The following ZFYVE28 variants were observed in gnomAD, a reference collection of about 807,000 sequenced individuals.
ZFYVE28 encodes the protein lateral signaling target protein 2 homolog.
In ZFYVE28, 40 loss-of-function variants were observed where a neutral mutation model predicts 82.1. The ratio of observed to expected loss-of-function variants is 0.49; its 90% confidence interval spans 0.38 to 0.63. The LOEUF (loss-of-function observed/expected upper bound fraction) is 0.63. Ranked by LOEUF, ZFYVE28 falls within the 30% of genes least tolerant of loss-of-function variation. ZFYVE28 has a pLI of 0.00. For synonymous variants in ZFYVE28, 612 were observed against 546.1 expected (o/e 1.12, Z -1.68); for missense variants, 1,321 against 1,242.1 (o/e 1.06, Z -0.96).
intron 1 of ZFYVE28, among the ~76,000 whole-genome samples, chr4:2,412,162 C>T (rs955398146): frequency 6.6e-6 from 1 of 152,186 alleles, no homozygotes; most frequent in Non-Finnish European, 1.5e-5. Flanking sequence ...ACCAAGTACC[C>T]GCCACCTACC....
In ZFYVE28 at chr4:2,372,908, C is replaced by T. The variant is rs2108906295; in HGVS notation, c.40-18835G>A. 6.6e-6 allele frequency among the ~76,000 whole-genome samples: 1 copy of T among 152,232 alleles called. No individual in the cohort carries two copies. The highest frequency in any genetic ancestry group is 6.5e-5 in the Admixed American group (1 of 15,294). ...CTAGCACCCCCAGCCTCTCTGCCAGCCAACCTTGGACGACTAGGGAGGGAA... is the reference window on the plus strand; with the variant it reads ...CTAGCACCCCCAGCCTCTCTGCCAGTCAACCTTGGACGACTAGGGAGGGAA... On this transcript the variant is annotated intron_variant, in intron 1 of 12. Transcript: ENST00000290974. The surrounding 1 kb of genome is among the most constrained non-coding windows in gnomAD (Gnocchi z 5.2).
chr4:2,363,924 T>C (rs1467904113), intron 1 of ZFYVE28, among the ~76,000 whole-genome samples: 1 of 152,140 alleles, frequency 6.6e-6, no homozygotes, highest in African/African-American at 2.4e-5. Context: ...CAATAAGCAA[T>C]GAGGCCTGCA....
chr4:2,312,755 G>C (rs1227087457), intron 7 of ZFYVE28, among the ~76,000 whole-genome samples: 2 of 132,964 alleles, frequency 1.5e-5, no homozygotes, highest in South Asian at 2.4e-4. Context: ...AAAAAAAGAA[G>C]TGTTTTGGGC....
intron 7 of ZFYVE28, among the ~76,000 whole-genome samples, chr4:2,311,922 G>A (rs917524790): frequency 7.9e-5 from 12 of 151,950 alleles, no homozygotes; most frequent in East Asian, 1.9e-4. Flanking sequence ...GACTATAGGC[G>A]TGTGCCATGA....
intron 8 of ZFYVE28, among the ~76,000 whole-genome samples, chr4:2,296,992 G>A (rs147762595): frequency 1.3e-5 from 2 of 152,328 alleles, no homozygotes; most frequent in East Asian, 1.9e-4. Context: ...GTGGGCTTCC[G>A]GGCCACCGAG....
chr4:2,319,931 C>G (rs1232977913), intron 7 of ZFYVE28, among the ~76,000 whole-genome samples: 4 of 152,156 alleles, frequency 2.6e-5, no homozygotes. Context: ...GTGAGGTTCA[C>G]TCCCCCAGCT....
chr4:2,308,627 C>CACAAAGAAAGAAAGAAAGAAAGAA, intron 7 of ZFYVE28, among the ~76,000 whole-genome samples: 1 of 79,582 alleles, frequency 1.3e-5, no homozygotes, highest in East Asian at 3.8e-4. Flanking sequence ...AGAAAGAAGA[C>CACAAAGAAAGAAAGAAAGAAAGAA]AGAAAGAAAG....
At chr4:2,326,482 C>T (rs1719862755) in intron 6 of ZFYVE28, among the ~76,000 whole-genome samples, 1 of 152,130 alleles carries the variant, frequency 6.6e-6, no homozygotes, top group Non-Finnish European at 1.5e-5. Flanking sequence ...TGTGGTATCT[C>T]CAGCTTTGTC....
intron 7 of ZFYVE28, among the ~76,000 whole-genome samples, chr4:2,308,491 C>CAAGGAAGG (rs1239915650): frequency 9.8e-6 from 1 of 101,560 alleles, no homozygotes; most frequent in African/African-American, 4.0e-5. Flanking sequence ...TCAATTTCTA[C>CAAGGAAGG]AAGGAAGGAA....
chr4:2,349,648 C>T (rs969370257), intron 2 of ZFYVE28, among the ~76,000 whole-genome samples: 5 of 152,080 alleles, frequency 3.3e-5, no homozygotes, highest in Non-Finnish European at 7.3e-5. Flanking sequence ...TACACACAGC[C>T]CTGCCCTCAT....
In ZFYVE28 at chr4:2,320,401, G is replaced by A. The variant is rs534850428; in HGVS notation, c.702-130C>T. The stretch of plus-strand genomic sequence containing the variant: ...GCAGCGCCACTGTCCCAGCACGGCC[G>A]CCGCCTCATGCTTTGCCTTGTGTGA... On this transcript the variant is annotated intron_variant, in intron 6 of 12. Transcript: ENST00000290974. The surrounding 1 kb of genome is among the most constrained non-coding windows in gnomAD (Gnocchi z 5.1). 7.4e-5 allele frequency: 49 copies of A among 665,556 alleles called. No individual in the cohort carries two copies. The East Asian group carries it at 1.0e-3, about 14-fold the overall frequency. The allele number at this position is 665,556 out of a possible 1,614,324, so 41.2% of individuals were successfully genotyped here.
intron 1 of ZFYVE28, among the ~76,000 whole-genome samples, chr4:2,371,683 A>G (rs1365150926): frequency 6.6e-6 from 1 of 152,222 alleles, no homozygotes; most frequent in African/African-American, 2.4e-5. Context: ...ACAGAAAACA[A>G]AAGAGTACAA....
chr4:2,381,335 T>C (rs1014591586), intron 1 of ZFYVE28, among the ~76,000 whole-genome samples: 1 of 152,232 alleles, frequency 6.6e-6, no homozygotes, highest in African/African-American at 2.4e-5. Flanking sequence ...ACTTGGGTGC[T>C]GTTAAAGGCA....
intron 8 of ZFYVE28, among the ~76,000 whole-genome samples, chr4:2,298,684 C>G (rs1715023593): frequency 6.6e-6 from 1 of 152,250 alleles, no homozygotes. Context: ...GACTCAAGTA[C>G]AGTCACAGAG....
intron 7 of ZFYVE28, among the ~76,000 whole-genome samples, chr4:2,309,583 G>T (rs1419011921): frequency 9.4e-6 from 1 of 106,542 alleles, no homozygotes; most frequent in East Asian, 2.2e-4. Flanking sequence ...TACATAAAAT[G>T]GCAGTTTTAG....
intron 6 of ZFYVE28, chr4:2,330,231 C>T (rs1720455516): frequency 1.0e-6 from 1 of 964,452 alleles, no homozygotes; most frequent in Non-Finnish European, 1.2e-6. Flanking sequence ...CCAAAAACGA[C>T]TGTGCACTGT....
intron 6 of ZFYVE28, chr4:2,329,268 T>C (rs1045332764): frequency 1.3e-5 from 6 of 451,528 alleles, no homozygotes; most frequent in Non-Finnish European, 1.6e-5. Context: ...TGTCTTTCTC[T>C]TTAATTATGT....
At chr4:2,295,214 T>C (rs1484570563) in intron 8 of ZFYVE28, among the ~76,000 whole-genome samples, 1 of 152,196 alleles carries the variant, frequency 6.6e-6, no homozygotes, top group Non-Finnish European at 1.5e-5. Flanking sequence ...CAGGCTGGAG[T>C]GCAGTGACGC....
intron 6 of ZFYVE28, among the ~76,000 whole-genome samples, chr4:2,326,017 T>G (rs1469061664): frequency 6.6e-6 from 1 of 152,234 alleles, no homozygotes. Flanking sequence ...AGGTTGTCTT[T>G]GCACCCTGTT....
Sources: allele counts gnomAD v4.1 joint callset (sites outside exome capture counted in the v4.1 genomes callset), GRCh38; gene constraint gnomAD v4.1.1; non-coding constraint Gnocchi (gnomAD v3.1); transcripts MANE v1.5; gene names NCBI Gene and HGNC (gene_info 2026-07-23, HGNC 2026-07-21).